MYLK: variants seen among roughly 807,000 people sequenced by gnomAD.
MYLK encodes the protein myosin light chain kinase, smooth muscle.
A neutral mutation model predicts 203.4 loss-of-function variants in MYLK; 106 were observed. The observed-to-expected ratio is 0.52, with a 90% CI of 0.45 to 0.61. MYLK has a LOEUF of 0.61. Among genes scored for constraint, MYLK ranks in the 20% least tolerant of loss-of-function variants. The pLI is 0.00. For synonymous variants in MYLK, 867 were observed against 959.5 expected (o/e 0.90, Z 1.78); for missense variants, 2,072 against 2,442.3 (o/e 0.85, Z 3.20).
intron 20 of MYLK, among the ~76,000 whole-genome samples, chr3:123,680,311 G>A (rs1411955939): frequency 6.6e-6 from 1 of 152,134 alleles, no homozygotes; most frequent in African/African-American, 2.4e-5. Context: ...TGGAGCTGAG[G>A]GCTGGAGGCT....
At chr3:123,782,364 C>A (rs1381135235) in intron 4 of MYLK, among the ~76,000 whole-genome samples, 2 of 152,192 alleles carry the variant, frequency 1.3e-5, no homozygotes, top group Admixed American at 6.5e-5. Flanking sequence ...TCATTAGTTG[C>A]AAGATCACTG....
At chr3:123,764,644 A>G (rs559946674) in intron 4 of MYLK, among the ~76,000 whole-genome samples, 1 of 152,294 alleles carries the variant, frequency 6.6e-6, no homozygotes, top group Admixed American at 6.5e-5. Flanking sequence ...CCTCATGTCT[A>G]GGACGTGACA....
chr3:123,825,445 C>T (rs2066083815), intron 3 of MYLK, among the ~76,000 whole-genome samples: 1 of 152,210 alleles, frequency 6.6e-6, no homozygotes, highest in Non-Finnish European at 1.5e-5. Flanking sequence ...CACCGGTCCC[C>T]ACTGGCATTG....
intron 2 of MYLK, among the ~76,000 whole-genome samples, chr3:123,873,062 C>A (rs2032909337): frequency 6.6e-6 from 1 of 152,158 alleles, no homozygotes; most frequent in Admixed American, 6.6e-5. Flanking sequence ...TCTCACCACT[C>A]TCACTCAGGA....
chr3:123,870,901 T>C (rs919433724), intron 2 of MYLK, among the ~76,000 whole-genome samples: 2 of 152,212 alleles, frequency 1.3e-5, no homozygotes. Context: ...GAGAGAACCC[T>C]TTCATCCAAC....
At chr3:123,639,474 G>A (rs2058757984) in intron 28 of MYLK, among the ~76,000 whole-genome samples, 1 of 152,184 alleles carries the variant, frequency 6.6e-6, no homozygotes, top group South Asian at 2.1e-4. Flanking sequence ...CCAGCCCTCG[G>A]GCTCCTTGCT....
intron 2 of MYLK, among the ~76,000 whole-genome samples, chr3:123,840,286 A>C (rs1313094799): frequency 6.6e-6 from 1 of 151,910 alleles, no homozygotes; most frequent in East Asian, 1.9e-4. Flanking sequence ...GCCTGTAGGC[A>C]GGCTGATCAG....
At chr3:123,850,624 T>C (rs200009615) in intron 2 of MYLK, among the ~76,000 whole-genome samples, 2 of 152,172 alleles carry the variant, frequency 1.3e-5, no homozygotes, top group African/African-American at 4.8e-5. Context: ...GTTTGAGTTC[T>C]TTGTAGATTC....
intron 5 of MYLK, 32 bp from the exon 6 acceptor site, chr3:123,740,033 G>C (rs1210110976): frequency 6.2e-7 from 1 of 1,612,774 alleles, no homozygotes; most frequent in South Asian, 1.1e-5. Flanking sequence ...AGTCAGGTCT[G>C]AGCCACCAAC....
rs56377408 is a variant in MYLK, at chr3:123,738,915, C to A, written c.570G>T (p.Pro190=). The A allele has an allele frequency of 6.2e-7, 1 of 1,611,378 alleles. No individual in the cohort carries two copies. The highest frequency in any genetic ancestry group is 8.5e-7 in the Non-Finnish European group (1 of 1,178,732). The change falls in exon 7 of 34, where the codon CCG becomes CCT. Residue 190 remains proline, a synonymous_variant. Coordinates refer to ENST00000360304, the MANE Select transcript of MYLK (RefSeq NM_053025.4). The part of the protein sequence containing the change: ...FSCKITGRPQ[P]QVTWLKGNVP... ...ACCTCACCTTGAGCCAGGTGACCTG[C>A]GGTTGGGGCCGGCCAGTGATCTTGC...
chr3:123,723,009 C>G (rs1252188881), intron 12 of MYLK, among the ~76,000 whole-genome samples: 2 of 152,074 alleles, frequency 1.3e-5, no homozygotes, highest in African/African-American at 2.4e-5. Context: ...TCAGTGGTTT[C>G]CTTAATGCTC....
At chr3:123,847,111 TA>T (rs1197625225) in intron 2 of MYLK, among the ~76,000 whole-genome samples, 3 of 152,176 alleles carry the variant, frequency 2.0e-5, no homozygotes, top group South Asian at 2.1e-4. Context: ...ATAATACAAA[TA>T]AAAAATACAG....
chr3:123,810,485 G>A (rs545939688), intron 3 of MYLK, among the ~76,000 whole-genome samples: 2 of 152,318 alleles, frequency 1.3e-5, no homozygotes, highest in African/African-American at 2.4e-5. Context: ...CTGTGTCAGG[G>A]TTCAGCCCTC....
At chr3:123,698,510 C>T (rs2061028370) in intron 18 of MYLK, among the ~76,000 whole-genome samples, 2 of 152,088 alleles carry the variant, frequency 1.3e-5, no homozygotes, top group African/African-American at 4.8e-5. Flanking sequence ...CCCACAGGGG[C>T]GGCAGGACAG....
intron 27 of MYLK, among the ~76,000 whole-genome samples, chr3:123,645,806 C>G (rs888491172): frequency 6.6e-6 from 1 of 152,206 alleles, no homozygotes; most frequent in Non-Finnish European, 1.5e-5. Context: ...TGAGGAAGCT[C>G]ACTAGGTAGT....
At chr3:123,709,378 T>C (rs563866351) in intron 14 of MYLK, 4 of 300,448 alleles carry the variant, frequency 1.3e-5, no homozygotes, top group South Asian at 1.3e-4. Flanking sequence ...CCTGACCTTG[T>C]GATCTGCTGC....
chr3:123,799,541 T>C (rs6783605), intron 3 of MYLK, among the ~76,000 whole-genome samples: 66,220 of 151,776 alleles, frequency 0.44, 15,846 homozygotes, highest in East Asian at 0.63. Context: ...CTTGGAAATA[T>C]CATACCTTCC....
intron 3 of MYLK, among the ~76,000 whole-genome samples, chr3:123,817,499 G>T (rs936576262): frequency 2.0e-5 from 3 of 152,174 alleles, no homozygotes; most frequent in Non-Finnish European, 4.4e-5. Flanking sequence ...AGCTACACCA[G>T]GGGAGTTGTC....
At chr3:123,832,235 C>A (rs1221236754) in intron 2 of MYLK, among the ~76,000 whole-genome samples, 1 of 152,198 alleles carries the variant, frequency 6.6e-6, no homozygotes, top group Non-Finnish European at 1.5e-5. Flanking sequence ...CAGCACCACA[C>A]CAAGGTGGAA....
Sources: allele counts gnomAD v4.1 joint callset (sites outside exome capture counted in the v4.1 genomes callset), GRCh38; gene constraint gnomAD v4.1.1; transcripts MANE v1.5; gene names NCBI Gene and HGNC (gene_info 2026-07-23, HGNC 2026-07-21).